TESK2: variants seen among roughly 807,000 people sequenced by gnomAD.
TESK2 encodes testis associated actin remodelling kinase 2.
Under a neutral mutation model 57.1 loss-of-function variants are expected in TESK2, and 39 were observed. The observed-to-expected ratio is 0.68, with a 90% CI of 0.53 to 0.89. The LOEUF (loss-of-function observed/expected upper bound fraction) is 0.89. Among genes scored for constraint, TESK2 ranks in the 40% least tolerant of loss-of-function variants. The pLI is 0.00. For synonymous variants in TESK2, 249 were observed against 267.9 expected, an observed-to-expected ratio of 0.93 and a Z score of 0.69; for missense variants, 646 against 732.1, an observed-to-expected ratio of 0.88 and a Z score of 1.36.
intron 2 of TESK2, among the ~76,000 whole-genome samples, chr1:45,437,077 G>A (rs904098979): frequency 2.6e-5 from 4 of 152,196 alleles, no homozygotes; most frequent in Admixed American, 2.0e-4. Flanking sequence ...TTACAGGAGT[G>A]AGCCGCTGCG....
chr1:45,370,808 G>A (rs914006235), intron 4 of TESK2, among the ~76,000 whole-genome samples: 2 of 152,068 alleles, frequency 1.3e-5, no homozygotes, highest in East Asian at 3.8e-4. Flanking sequence ...TGAGGAGTGA[G>A]GCCATAGAGA....
intron 1 of TESK2, among the ~76,000 whole-genome samples, chr1:45,480,256 C>G (rs1192613233): frequency 2.6e-5 from 4 of 151,320 alleles, no homozygotes; most frequent in Admixed American, 2.6e-4. Context: ...GTCAGGAGTT[C>G]GAGATCAGCC....
chr1:45,490,649 G>A (rs894262091), intron 1 of TESK2, among the ~76,000 whole-genome samples: 2 of 152,126 alleles, frequency 1.3e-5, no homozygotes, highest in African/African-American at 2.4e-5. Flanking sequence ...GGGAGCCTGA[G>A]GGAAGTGAGA....
intron 4 of TESK2, among the ~76,000 whole-genome samples, chr1:45,364,364 A>C (rs1647819000): frequency 6.6e-6 from 1 of 152,208 alleles, no homozygotes; most frequent in African/African-American, 2.4e-5. Flanking sequence ...TCATGTTAAG[A>C]TAGAGGCAGA....
chr1:45,484,502 G>A lies in TESK2; in HGVS notation c.-87+6350C>T, dbSNP rs561598553. On this transcript the variant is annotated intron_variant, in intron 1 of 10. Transcript: ENST00000372086. ...TGTAATCCCAGCACTTTGGGAGGCT[G>A]AGGCGGGCAGATCACTTGAGGTCAG... Among the ~76,000 whole-genome samples the A allele has an allele frequency of 1.2e-3, 186 of 151,988 alleles. 2 individuals are homozygous for A. Among genetic ancestry groups the A allele is most frequent in the African/African-American group, 4.4e-3 (182 of 41,508 alleles).
At chr1:45,360,423 GAA>G (rs959292134) in intron 4 of TESK2, among the ~76,000 whole-genome samples, 1 of 152,100 alleles carries the variant, frequency 6.6e-6, no homozygotes, top group African/African-American at 2.4e-5. Flanking sequence ...ACACTATAAT[GAA>G]AAGACTGTAT....
chr1:45,416,395 T>TCC (rs888818459), intron 3 of TESK2, among the ~76,000 whole-genome samples: 1 of 152,138 alleles, frequency 6.6e-6, no homozygotes, highest in African/African-American at 2.4e-5. Context: ...TGCCTCGGCT[T>TCC]CCCAAAGTGC....
chr1:45,440,465 G>C (rs1570733260), intron 2 of TESK2, among the ~76,000 whole-genome samples: 1 of 152,040 alleles, frequency 6.6e-6, no homozygotes, highest in Non-Finnish European at 1.5e-5. Flanking sequence ...CGTAATCCCA[G>C]CACTTTGGGA....
intron 1 of TESK2, among the ~76,000 whole-genome samples, chr1:45,489,616 C>A (rs1390171470): frequency 6.6e-6 from 1 of 152,144 alleles, no homozygotes. Flanking sequence ...GTGGGGAAAC[C>A]CCGTCTCTAC....
intron 4 of TESK2, among the ~76,000 whole-genome samples, chr1:45,363,241 AAC>A (rs1410602510): frequency 6.6e-6 from 1 of 152,212 alleles, no homozygotes; most frequent in African/African-American, 2.4e-5. Context: ...CAACAGGTAG[AAC>A]CCACTATCAA....
chr1:45,398,797 G>A (rs1343067586), intron 3 of TESK2: 1 of 344,430 alleles, frequency 2.9e-6, no homozygotes, highest in Non-Finnish European at 5.7e-6. Context: ...CTGGCCAGTG[G>A]TATATGGGCA....
chr1:45,482,052 C>G (rs891595205), intron 1 of TESK2, among the ~76,000 whole-genome samples: 1 of 152,168 alleles, frequency 6.6e-6, no homozygotes, highest in African/African-American at 2.4e-5. Flanking sequence ...TAATCGTCTC[C>G]ACGTGAGCAG....
At chr1:45,489,825 A>G (rs1653644864) in intron 1 of TESK2, among the ~76,000 whole-genome samples, 1 of 152,118 alleles carries the variant, frequency 6.6e-6, no homozygotes, top group South Asian at 2.1e-4. Context: ...CCTGAAACTT[A>G]ACTTGTTCAA....
chr1:45,408,554 A>G (rs1422904476), intron 3 of TESK2, among the ~76,000 whole-genome samples: 1 of 152,214 alleles, frequency 6.6e-6, no homozygotes, highest in African/African-American at 2.4e-5. Flanking sequence ...CTCAAAGAGC[A>G]TGAGCCTATG....
chr1:45,404,105 C>T (rs1226752399), intron 3 of TESK2, among the ~76,000 whole-genome samples: 1 of 152,202 alleles, frequency 6.6e-6, no homozygotes, highest in East Asian at 1.9e-4. Context: ...TATAAATTTA[C>T]ACCAAAGTAA....
intron 1 of TESK2, among the ~76,000 whole-genome samples, chr1:45,469,680 T>C (rs1484824398): frequency 6.6e-6 from 1 of 152,234 alleles, no homozygotes; most frequent in Middle Eastern, 3.2e-3. Flanking sequence ...TACCAGTCTC[T>C]GAGGCAAAAG....
chr1:45,402,576 G>C (rs959055079), intron 3 of TESK2, among the ~76,000 whole-genome samples: 7 of 151,248 alleles, frequency 4.6e-5, no homozygotes, highest in Non-Finnish European at 8.8e-5. Flanking sequence ...TCTGCTTCCT[G>C]GGTTCAAGCG....
At chr1:45,348,043 GC>G in intron 5 of TESK2, 43 bp from the exon 6 acceptor site, 2 of 1,326,124 alleles carry the variant, frequency 1.5e-6, no homozygotes, top group Non-Finnish European at 2.2e-6. Flanking sequence ...TGGCTCAGAA[GC>G]GGGGATCAGC....
At chr1:45,452,404 A>G (rs1290626739) in intron 2 of TESK2, among the ~76,000 whole-genome samples, 2 of 152,238 alleles carry the variant, frequency 1.3e-5, no homozygotes, top group Non-Finnish European at 2.9e-5. Flanking sequence ...CTATCAGGAT[A>G]TGTAAAGAAC....
Sources: gnomAD v4.1 joint callset for allele counts (sites outside exome capture counted in the v4.1 genomes callset) on GRCh38, gnomAD v4.1.1 for gene constraint, MANE v1.5 for transcripts, NCBI Gene and HGNC (gene_info 2026-07-23, HGNC 2026-07-21) for gene names.